LTBP1: variants seen among roughly 807,000 people sequenced by gnomAD.
LTBP1 encodes the protein latent transforming growth factor beta binding protein 1.
LTBP1 carries 129 observed loss-of-function variants against 207.6 expected under a neutral mutation model. The observed-to-expected ratio is 0.62, with a 90% confidence interval of 0.54 to 0.72. The LOEUF is 0.72. LTBP1 is among the 30% of genes least tolerant of loss of function. The pLI, the probability that LTBP1 is intolerant of heterozygous loss-of-function variation, is 0.00. For synonymous variants in LTBP1, 963 were observed against 833.7 expected, an observed-to-expected ratio of 1.16 and a Z score of -2.67; for missense variants, 2,281 against 2,217.2, an observed-to-expected ratio of 1.03 and a Z score of -0.58.
In LTBP1 at chr2:32,977,414, A is replaced by G. The variant is rs549583896; in HGVS notation, c.565+28469A>G. On this transcript the variant is annotated intron_variant, in intron 2 of 33. Transcript: ENST00000404816. Reference sequence around the variant, plus strand: ...GGCAGAAACAGGACCACTGGGCGGGAAGTTGGCACTGAGCCTTGTCTATCA... The same window carrying G: ...GGCAGAAACAGGACCACTGGGCGGGGAGTTGGCACTGAGCCTTGTCTATCA... Among the ~76,000 whole-genome samples the G allele has an allele frequency of 5.9e-5, 9 of 152,240 alleles. No homozygotes were observed. In the South Asian group the frequency reaches 1.7e-3, roughly 28 times the overall value.
At chr2:33,376,216 T>A (rs1486268259) in intron 31 of LTBP1, among the ~76,000 whole-genome samples, 1 of 152,204 alleles carries the variant, frequency 6.6e-6, no homozygotes, top group Non-Finnish European at 1.5e-5. Context: ...AATCAAATTC[T>A]CCTAATCCTC....
intron 1 of LTBP1, among the ~76,000 whole-genome samples, chr2:32,948,247 C>T (rs2148175889): frequency 6.6e-6 from 1 of 152,342 alleles, no homozygotes. Flanking sequence ...AAAGATCCAG[C>T]TCCTGTTCTG....
At chr2:33,244,860 T>TTATC (rs71409605) in intron 10 of LTBP1, among the ~76,000 whole-genome samples, 76,015 of 150,856 alleles carry the variant, frequency 0.5, 19,629 homozygotes, top group East Asian at 0.86. Context: ...GTTTTTGTTT[T>TTATC]TATCTATCTA....
intron 2 of LTBP1, among the ~76,000 whole-genome samples, chr2:32,954,654 T>C (rs1047780722): frequency 6.6e-6 from 1 of 151,564 alleles, no homozygotes; most frequent in African/African-American, 2.4e-5. Flanking sequence ...TTCAACACTT[T>C]GTTTTTTTTT....
chr2:33,344,069 CT>C (rs1466006127), intron 25 of LTBP1, among the ~76,000 whole-genome samples: 1 of 152,120 alleles, frequency 6.6e-6, no homozygotes, highest in African/African-American at 2.4e-5. Flanking sequence ...CCATATTAAA[CT>C]TGGAAAACAA....
chr2:33,299,691 G>A lies in LTBP1; in HGVS notation c.3236-760G>A, dbSNP rs2093947212. On this transcript the variant is annotated intron_variant, in intron 20 of 33. Transcript: ENST00000404816. ...CTGCTTAGGTCGGACCAATATAATG[G>A]CCAAACAAAAACATCTGGAAGACTC... Among the ~76,000 whole-genome samples the A allele has an allele frequency of 1.3e-5, 2 of 152,166 alleles. 1 individual carries two copies. Among genetic ancestry groups the A allele is most frequent in the South Asian group, 4.1e-4 (2 of 4,830 alleles).
intron 5 of LTBP1, among the ~76,000 whole-genome samples, chr2:33,140,187 T>G (rs570474993): frequency 1.7e-4 from 26 of 152,276 alleles, no homozygotes; most frequent in African/African-American, 6.0e-4. Flanking sequence ...GCAGAAGCAG[T>G]TCGTGCTGCT....
chr2:33,008,013 G>A (rs1281016388), intron 2 of LTBP1, among the ~76,000 whole-genome samples: 1 of 152,190 alleles, frequency 6.6e-6, no homozygotes. Flanking sequence ...GCTAATCAAA[G>A]TAAGTTATGT....
chr2:33,216,209 G>C (rs972253441), intron 7 of LTBP1, among the ~76,000 whole-genome samples: 3 of 152,222 alleles, frequency 2.0e-5, no homozygotes, highest in Non-Finnish European at 4.4e-5. Flanking sequence ...AGACTGTATA[G>C]ACAGTGCTGT....
chr2:33,305,376 T>C (rs2094071649), intron 22 of LTBP1, among the ~76,000 whole-genome samples: 1 of 152,100 alleles, frequency 6.6e-6, no homozygotes, highest in African/African-American at 2.4e-5. Flanking sequence ...TAAATGGCAA[T>C]AAATTTTACA....
chr2:33,221,804 C>T (rs7608222), intron 8 of LTBP1, among the ~76,000 whole-genome samples: 61,545 of 151,972 alleles, frequency 0.4, 13,495 homozygotes, highest in Non-Finnish European at 0.49. Context: ...AATATGTAAT[C>T]ACTAATTAGA....
At chr2:33,069,208 C>T (rs2077660660) in intron 3 of LTBP1, among the ~76,000 whole-genome samples, 1 of 152,122 alleles carries the variant, frequency 6.6e-6, no homozygotes, top group East Asian at 1.9e-4. Context: ...ATGATGGCCC[C>T]ACTCAAAGCC....
At position 33,309,483 on chromosome 2, in the gene LTBP1, C is replaced by T; in HGVS notation, c.3531C>T (p.Cys1177=). ...AGAGTGTTTGCCAGAGAGGAGACTG[C>T]ATTAATACTGCAGGGTCCTATGATT... The part of the protein sequence containing the change: ...EDKSVCQRGD[C]INTAGSYDCT... Residue 1177 remains cysteine (C), a synonymous_variant, in exon 23 of 34, where the codon TGC becomes TGT. Coordinates refer to ENST00000404816, the MANE Select transcript of LTBP1 (RefSeq NM_206943.4). 3 of 1,610,348 alleles carry T rather than the reference C, an allele frequency of 1.9e-6. No homozygotes were observed. Among genetic ancestry groups the T allele is most frequent in the Non-Finnish European group, 2.5e-6 (3 of 1,178,234 alleles).
At chr2:33,180,326 G>C (rs1030055687) in intron 5 of LTBP1, among the ~76,000 whole-genome samples, 3 of 152,112 alleles carry the variant, frequency 2.0e-5, no homozygotes, top group Non-Finnish European at 4.4e-5. Context: ...GGCCTTCCTG[G>C]TTCCTCTGTT....
At chr2:33,340,414 C>G (rs748113287) in intron 24 of LTBP1, among the ~76,000 whole-genome samples, 2 of 152,054 alleles carry the variant, frequency 1.3e-5, no homozygotes, top group African/African-American at 4.8e-5. Flanking sequence ...TCAGGCAGGG[C>G]GGGAGCCTTG....
intron 2 of LTBP1, among the ~76,000 whole-genome samples, chr2:33,008,887 C>T (rs1021121051): frequency 1.3e-5 from 2 of 152,132 alleles, no homozygotes; most frequent in Admixed American, 1.3e-4. Context: ...CAGGTGGGGA[C>T]ACAGCCAGTG....
At chr2:33,362,652 A>G (rs1222193831) in intron 28 of LTBP1, among the ~76,000 whole-genome samples, 1 of 152,208 alleles carries the variant, frequency 6.6e-6, no homozygotes, top group Non-Finnish European at 1.5e-5. Context: ...AACTTTAAGC[A>G]AGTCATCTAT....
chr2:33,069,951 T>C (rs973171427), intron 3 of LTBP1, among the ~76,000 whole-genome samples: 2 of 152,222 alleles, frequency 1.3e-5, no homozygotes, highest in African/African-American at 4.8e-5. Context: ...GCATAGCATG[T>C]GGGAAAGTGA....
At chr2:33,088,264 C>T (rs962040586) in intron 3 of LTBP1, among the ~76,000 whole-genome samples, 1 of 152,092 alleles carries the variant, frequency 6.6e-6, no homozygotes, top group East Asian at 1.9e-4. Flanking sequence ...CCAGCTTGGC[C>T]AACATGGCGA....
Sources: gnomAD v4.1 joint callset for allele counts (sites outside exome capture counted in the v4.1 genomes callset) on GRCh38, gnomAD v4.1.1 for gene constraint, MANE v1.5 for transcripts, NCBI Gene and HGNC (gene_info 2026-07-23, HGNC 2026-07-21) for gene names.